POLR1D: variants seen among roughly 807,000 people sequenced by gnomAD.
POLR1D encodes the protein RNA polymerase I and III subunit D.
A neutral mutation model predicts 10.8 loss-of-function variants in POLR1D; 8 were observed. The observed-to-expected ratio is 0.74, with a 90% CI of 0.43 to 1.33. POLR1D has a LOEUF of 1.33. Ranked by LOEUF, POLR1D falls within the 40% of genes most tolerant of loss-of-function variation. The pLI is 0.01. For synonymous variants in POLR1D, 54 were observed against 57.2 expected, an observed-to-expected ratio of 0.94 and a Z score of 0.25; for missense variants, 152 against 161.7, an observed-to-expected ratio of 0.94 and a Z score of 0.32.
intron 1 of POLR1D, among the ~76,000 whole-genome samples, chr13:27,631,705 C>T (rs1393798723): frequency 6.6e-6 from 1 of 152,186 alleles, no homozygotes; most frequent in East Asian, 1.9e-4. Flanking sequence ...GGGCTTTGTC[C>T]TTGTTCGCTT....
intron 2 of POLR1D, among the ~76,000 whole-genome samples, chr13:27,660,051 A>G (rs1247496015): frequency 1.3e-5 from 2 of 152,160 alleles, no homozygotes; most frequent in African/African-American, 2.4e-5. Context: ...ACTGTTGTAC[A>G]CAGTAATTAA....
chr13:27,627,371 A>G (rs1304030511), downstream of POLR1D, among the ~76,000 whole-genome samples: 6 of 151,942 alleles, frequency 3.9e-5, no homozygotes, highest in African/African-American at 1.2e-4. Context: ...TGTACCTAAT[A>G]GTAGCACAGT....
intron 2 of POLR1D, among the ~76,000 whole-genome samples, chr13:27,657,244 C>A (rs1956316502): frequency 6.6e-6 from 1 of 152,076 alleles, no homozygotes; most frequent in Admixed American, 6.5e-5. Flanking sequence ...AAATACAGAT[C>A]TCCAGCCAGG....
chr13:27,621,714 G>T (rs1192051814), upstream of POLR1D: 1 of 275,488 alleles, frequency 3.6e-6, no homozygotes, highest in Non-Finnish European at 6.7e-6. Flanking sequence ...TGCCCCTCCC[G>T]CCGCGAGTGG....
chr13:27,647,905 A>C (rs1286377518), intron 1 of POLR1D: 7 of 164,264 alleles, frequency 4.3e-5, no homozygotes, highest in Non-Finnish European at 7.9e-5. Flanking sequence ...TGTCCTCCAG[A>C]AATGTAATAT....
At chr13:27,640,927 TC>T (rs1956167458) in intron 1 of POLR1D, among the ~76,000 whole-genome samples, 1 of 152,172 alleles carries the variant, frequency 6.6e-6, no homozygotes, top group Non-Finnish European at 1.5e-5. Context: ...ACCTAAGTAA[TC>T]TATTATTACT....
At chr13:27,645,117 T>C (rs1956206942) in intron 1 of POLR1D, among the ~76,000 whole-genome samples, 1 of 152,200 alleles carries the variant, frequency 6.6e-6, no homozygotes, top group African/African-American at 2.4e-5. Context: ...TGCAGGAGAC[T>C]TTTGGGTGGG....
downstream of POLR1D, among the ~76,000 whole-genome samples, chr13:27,623,860 A>G (rs573323774): frequency 2.0e-5 from 3 of 152,168 alleles, no homozygotes; most frequent in Non-Finnish European, 4.4e-5. Context: ...CATTTACAGG[A>G]AAGATACCAG....
rs564354986 is a variant in POLR1D at position 27,634,365 on chromosome 13, T to C, written c.26+12356T>C. ...AGAGGATTCCCTTCCTATTTCCTTG[T>C]TCTAATAAGTTGGTCCCCATCGGAG... On this transcript the variant is annotated intron_variant, in intron 1 of 2. Coordinates refer to the POLR1D transcript ENST00000399697. 8.5e-5 allele frequency among the ~76,000 whole-genome samples: 13 copies of C among 152,278 alleles called. No homozygotes were observed. The East Asian group carries it at 1.9e-3, about 23-fold the overall frequency.
At chr13:27,637,689 C>A (rs1443096267) in intron 1 of POLR1D, among the ~76,000 whole-genome samples, 1 of 152,066 alleles carries the variant, frequency 6.6e-6, no homozygotes, top group African/African-American at 2.4e-5. Context: ...TTACCTTGTC[C>A]TACTTAATTT....
Position 27,655,353 on chromosome 13 carries a change from A to G in POLR1D, c.101+6900A>G, listed in dbSNP as rs147748793. Reference sequence around the variant, plus strand: ...TCTTCAGCATGCAGATCTCAAAGACATTCTCATGCATAACCACATTGTAAT... The same window carrying G: ...TCTTCAGCATGCAGATCTCAAAGACGTTCTCATGCATAACCACATTGTAAT... On this transcript the variant is annotated intron_variant, in intron 2 of 2. Coordinates refer to the POLR1D transcript ENST00000399697. 2.0e-3 allele frequency among the ~76,000 whole-genome samples: 302 copies of G among 152,356 alleles called. 1 individual carries two copies. The highest frequency in any genetic ancestry group is 6.8e-3 in the African/African-American group (284 of 41,570).
intron 1 of POLR1D, chr13:27,622,287 C>G: frequency 1.8e-6 from 1 of 562,966 alleles, no homozygotes; most frequent in Non-Finnish European, 3.2e-6. Context: ...CCCCGGGCCT[C>G]TGCTCCTGAG....
intron 1 of POLR1D, among the ~76,000 whole-genome samples, chr13:27,647,766 C>T (rs559629882): frequency 3.7e-4 from 56 of 152,162 alleles, no homozygotes; most frequent in African/African-American, 1.3e-3. Context: ...TAATTGTTAA[C>T]AAGTAGTTTG....
chr13:27,651,739 G>T (rs1038160074), intron 2 of POLR1D, among the ~76,000 whole-genome samples: 10 of 152,136 alleles, frequency 6.6e-5, no homozygotes, highest in Admixed American at 5.2e-4. Flanking sequence ...TTTTAGGAGT[G>T]TGAGTGTAAA....
At chr13:27,641,188 C>G (rs1052211663) in intron 1 of POLR1D, among the ~76,000 whole-genome samples, 9 of 152,206 alleles carry the variant, frequency 5.9e-5, no homozygotes, top group African/African-American at 2.2e-4. Flanking sequence ...ACCATACTTT[C>G]ACATCTCATG....
chr13:27,637,735 G>C (rs1245601384), intron 1 of POLR1D, among the ~76,000 whole-genome samples: 2 of 152,032 alleles, frequency 1.3e-5, no homozygotes, highest in African/African-American at 4.8e-5. Context: ...AAAACAACTT[G>C]AAACTTGACG....
chr13:27,637,962 GTTAA>G (rs1459394482), intron 1 of POLR1D, among the ~76,000 whole-genome samples: 3 of 152,000 alleles, frequency 2.0e-5, no homozygotes, highest in East Asian at 1.9e-4. Flanking sequence ...TATTTTTGTA[GTTAA>G]TTATTGATGT....
At chr13:27,652,273 C>T (rs1956273288) in intron 2 of POLR1D, among the ~76,000 whole-genome samples, 1 of 152,242 alleles carries the variant, frequency 6.6e-6, no homozygotes, top group Non-Finnish European at 1.5e-5. Flanking sequence ...GTACCACCTA[C>T]TGGCTTCATA....
chr13:27,621,755 G>A (rs1955924792), upstream of POLR1D: 1 of 361,798 alleles, frequency 2.8e-6, no homozygotes, highest in Non-Finnish European at 4.9e-6. Flanking sequence ...GAGCCGCGGG[G>A]CCGCGAGCCA....
Sources: allele counts gnomAD v4.1 joint callset (sites outside exome capture counted in the v4.1 genomes callset), GRCh38; gene constraint gnomAD v4.1.1; transcripts MANE v1.5; gene names NCBI Gene and HGNC (gene_info 2026-07-23, HGNC 2026-07-21).